The following PTPRA variants were observed in gnomAD, a reference collection of about 807,000 sequenced individuals.
PTPRA encodes the protein receptor-type tyrosine-protein phosphatase alpha.
In PTPRA, 25 loss-of-function variants were observed where a neutral mutation model predicts 104.8. The ratio of observed to expected loss-of-function variants is 0.24; its 90% CI spans 0.17 to 0.33. The LOEUF is 0.33. PTPRA is among the 10% of genes least tolerant of loss of function. The pLI, the probability that PTPRA is intolerant of heterozygous loss-of-function variation, is 1.00. For synonymous variants in PTPRA, 323 were observed against 368.9 expected (o/e 0.88, Z 1.43); for missense variants, 765 against 1,015.3 (o/e 0.75, Z 3.35).
At chr20:2,927,433 G>A (rs1448726340) in intron 2 of PTPRA, among the ~76,000 whole-genome samples, 1 of 151,868 alleles carries the variant, frequency 6.6e-6, no homozygotes. Context: ...TTTCTCCCTG[G>A]AGTTTCTAAT....
chr20:2,911,322 G>A (rs2059716365), intron 1 of PTPRA, among the ~76,000 whole-genome samples: 1 of 152,098 alleles, frequency 6.6e-6, no homozygotes, highest in South Asian at 2.1e-4. Context: ...ACAGAACCTG[G>A]TAGGTGAGTC....
intron 20 of PTPRA, among the ~76,000 whole-genome samples, chr20:3,030,483 G>A (rs1165517826): frequency 6.6e-6 from 1 of 152,062 alleles, no homozygotes; most frequent in African/African-American, 2.4e-5. Flanking sequence ...GTTGTCAAGT[G>A]TAGCTCCCAG....
chr20:3,021,190 G>A (rs1164764390), intron 13 of PTPRA, 119 bp from the exon 14 acceptor site: 1 of 1,403,344 alleles, frequency 7.1e-7, no homozygotes, highest in African/African-American at 1.4e-5. Context: ...TAGAGAAGAG[G>A]TCAAAGGGCC....
At chr20:2,992,662 C>G (rs2063229483) in intron 9 of PTPRA, among the ~76,000 whole-genome samples, 1 of 128,780 alleles carries the variant, frequency 7.8e-6, no homozygotes, top group African/African-American at 3.3e-5. Context: ...GGATCATGGT[C>G]TTATATCCAT....
At chr20:3,004,023 A>G (rs1026512901) in intron 9 of PTPRA, among the ~76,000 whole-genome samples, 45 of 152,044 alleles carry the variant, frequency 3.0e-4, no homozygotes, top group Non-Finnish European at 6.0e-4. Context: ...GTATTTATTT[A>G]TTATTTATTT....
At chr20:2,866,880 C>G in the PTPRA span, 1 of 365,508 alleles carries the variant, frequency 2.7e-6, no homozygotes, top group South Asian at 4.9e-5. Context: ...CGTGTCCTCT[C>G]CACAGTTACC....
intron 1 of PTPRA, among the ~76,000 whole-genome samples, chr20:2,893,200 A>G (rs1277569978): frequency 1.3e-5 from 2 of 152,234 alleles, no homozygotes; most frequent in African/African-American, 4.8e-5. Context: ...CCAGCTGCTA[A>G]TGCAGTGCCT....
intron 11 of PTPRA, among the ~76,000 whole-genome samples, chr20:3,010,792 T>G (rs1347965062): frequency 6.6e-6 from 1 of 152,180 alleles, no homozygotes; most frequent in Non-Finnish European, 1.5e-5. Context: ...GGATCACATG[T>G]TCACATCCCT....
At chr20:2,978,144 G>A (rs998345878) in intron 6 of PTPRA, among the ~76,000 whole-genome samples, 4 of 152,156 alleles carry the variant, frequency 2.6e-5, no homozygotes, top group Non-Finnish European at 5.9e-5. Context: ...GGTCCACTGA[G>A]TTCAGGAGTT....
At chr20:2,986,742 T>C (rs1235079739) in intron 6 of PTPRA, 23 bp from the exon 7 acceptor site, 3 of 1,587,640 alleles carry the variant, frequency 1.9e-6, no homozygotes, top group Non-Finnish European at 2.6e-6. Context: ...CAGTAATGAC[T>C]TGTTCTGTTG....
chr20:2,865,961 G>A, the PTPRA span: 1 of 541,570 alleles, frequency 1.8e-6, no homozygotes, highest in Non-Finnish European at 3.3e-6. This position sits in a 1 kb window ranked among gnomAD's most constrained non-coding sequence, Gnocchi z 5.2. Context: ...GGGTAATGGT[G>A]GGTGGTAGAG....
intron 5 of PTPRA, among the ~76,000 whole-genome samples, chr20:2,966,987 G>A (rs2061970424): frequency 6.6e-6 from 1 of 152,180 alleles, no homozygotes; most frequent in South Asian, 2.1e-4. Context: ...TGTAACACAG[G>A]CCTGACTGAC....
intron 3 of PTPRA, among the ~76,000 whole-genome samples, chr20:2,954,043 A>T (rs1178050): frequency 0.21 from 31,413 of 147,656 alleles, 5,296 homozygotes; most frequent in African/African-American, 0.47. Context: ...CCATGTAGCT[A>T]CGTCTACAGG....
chr20:2,893,828 G>A lies in PTPRA; in HGVS notation c.-129+20068G>A, dbSNP rs191880990. On this transcript the variant is annotated intron_variant, in intron 1 of 23. Transcript: ENST00000399903. ...AAGATTACGTGTGTCTATTCTAGAT[G>A]TGTCTTATTTCTTGCAGATATATTG... 2.2e-3 allele frequency among the ~76,000 whole-genome samples: 336 copies of A among 152,070 alleles called. 1 individual carries two copies. The highest frequency in any genetic ancestry group is 3.8e-3 in the Non-Finnish European group (259 of 67,990).
chr20:2,909,944 A>T (rs1349435575), intron 1 of PTPRA, among the ~76,000 whole-genome samples: 1 of 123,974 alleles, frequency 8.1e-6, no homozygotes, highest in Non-Finnish European at 1.5e-5. Context: ...AATATGTGTA[A>T]TTATATATTA....
chr20:2,923,578 CACTTGAGGTCAGG>C, intron 2 of PTPRA, among the ~76,000 whole-genome samples: 2 of 151,960 alleles, frequency 1.3e-5, no homozygotes, highest in Non-Finnish European at 1.5e-5. Flanking sequence ...GCGGGCAGAT[CACTTGAGGTCAGG>C]AGTTCAAGAC....
At chr20:3,020,289 G>A (rs1444794871) in intron 13 of PTPRA, among the ~76,000 whole-genome samples, 2 of 151,822 alleles carry the variant, frequency 1.3e-5, no homozygotes, top group African/African-American at 2.4e-5. Flanking sequence ...TAGTAGAGAC[G>A]GGGTTTCACT....
At chr20:2,999,936 G>A (rs1045529738) in intron 9 of PTPRA, among the ~76,000 whole-genome samples, 3 of 152,054 alleles carry the variant, frequency 2.0e-5, no homozygotes, top group African/African-American at 7.2e-5. Flanking sequence ...AGATAACACA[G>A]GTAACTGATA....
intron 1 of PTPRA, among the ~76,000 whole-genome samples, chr20:2,885,849 A>G (rs1056251726): frequency 1.3e-5 from 2 of 152,076 alleles, no homozygotes; most frequent in Non-Finnish European, 2.9e-5. Context: ...GTGGATCATG[A>G]GGTCAGGAGT....
Sources: allele counts gnomAD v4.1 joint callset (sites outside exome capture counted in the v4.1 genomes callset), GRCh38; gene constraint gnomAD v4.1.1; non-coding constraint Gnocchi (gnomAD v3.1); transcripts MANE v1.5; gene names NCBI Gene and HGNC (gene_info 2026-07-23, HGNC 2026-07-21).